Variants in SLC68A1 observed in about 807,000 individuals in gnomAD.
SLC68A1 encodes solute carrier family 68 member 1.
the SLC68A1 span, chr10:102,476,611 GAA>G: frequency 1.2e-5 from 12 of 986,096 alleles, no homozygotes; most frequent in Non-Finnish European, 1.4e-5. Context: ...TCACTGCAGT[GAA>G]AGTCTCTGCT....
At chr10:102,472,751 T>G in the SLC68A1 span, 4 of 856,770 alleles carry the variant, frequency 4.7e-6, no homozygotes, top group Non-Finnish European at 8.1e-6. Context: ...CTTGCTGCTC[T>G]GAGGATGGGG....
At chr10:102,476,357 T>G in the SLC68A1 span, 1 of 349,418 alleles carries the variant, frequency 2.9e-6, no homozygotes, top group Non-Finnish European at 4.1e-6. Flanking sequence ...CGTGAGCCAC[T>G]GTGGCCAACC....
At chr10:102,474,544 C>T in the SLC68A1 span, among the ~76,000 whole-genome samples, 6 of 152,102 alleles carry the variant, frequency 3.9e-5, no homozygotes, top group Non-Finnish European at 2.9e-5. Flanking sequence ...CGCAAAGGCC[C>T]AGGGTGTCAG....
chr10:102,474,000 T>C, the SLC68A1 span: 1 of 1,605,012 alleles, frequency 6.2e-7, no homozygotes, highest in Non-Finnish European at 8.5e-7. Flanking sequence ...CTGGCTGCTC[T>C]GTTTCTACAC....
At chr10:102,473,865 G>T in the SLC68A1 span, 1 of 1,614,016 alleles carries the variant, frequency 6.2e-7, no homozygotes, top group South Asian at 1.1e-5. Context: ...GACCTTGGTG[G>T]TCACTGACCT....
the SLC68A1 span, chr10:102,473,002 AT>A: frequency 7.2e-7 from 1 of 1,390,826 alleles, no homozygotes; most frequent in Non-Finnish European, 1.0e-6. Flanking sequence ...AGAGACCTGT[AT>A]TTTTAGTAGA....
the SLC68A1 span, among the ~76,000 whole-genome samples, chr10:102,465,680 G>A: frequency 6.6e-6 from 1 of 152,132 alleles, no homozygotes; most frequent in Non-Finnish European, 1.5e-5. Context: ...TTTCTCACCA[G>A]CTTATGCAAG....
At chr10:102,476,026 C>G in the SLC68A1 span, 85 of 1,320,230 alleles carry the variant, frequency 6.4e-5, 1 homozygote, top group African/African-American at 1.2e-3. Flanking sequence ...CTGCTGGCAG[C>G]CTGGGGAAGG....
the SLC68A1 span, chr10:102,468,840 G>T: frequency 5.2e-6 from 3 of 579,816 alleles, no homozygotes; most frequent in Non-Finnish European, 9.2e-6. Flanking sequence ...TCCCAGCGCT[G>T]TTGTAAGTAC....
the SLC68A1 span, among the ~76,000 whole-genome samples, chr10:102,466,732 CCTT>C: frequency 5.9e-5 from 9 of 152,262 alleles, no homozygotes; most frequent in African/African-American, 2.2e-4. Context: ...TCAGGGCTCA[CCTT>C]CTCCAGCAAC....
chr10:102,476,078 T>G, the SLC68A1 span: 30 of 1,187,492 alleles, frequency 2.5e-5, no homozygotes, highest in East Asian at 2.9e-4. Flanking sequence ...TTTCATAGTT[T>G]TTTTTTTTTT....
the SLC68A1 span, among the ~76,000 whole-genome samples, chr10:102,466,247 G>A: frequency 6.6e-6 from 1 of 152,180 alleles, no homozygotes; most frequent in Non-Finnish European, 1.5e-5. Context: ...ACTTTGGGAG[G>A]CTGAGGTGGG....
At chr10:102,462,163 G>C in the SLC68A1 span, 2 of 152,440 alleles carry the variant, frequency 1.3e-5, no homozygotes, top group African/African-American at 4.8e-5. Context: ...CCTGGTGCTA[G>C]ACCCTGCTGT....
chr10:102,471,508 C>G, the SLC68A1 span: 22 of 1,471,874 alleles, frequency 1.5e-5, no homozygotes, highest in Middle Eastern at 5.0e-4. Context: ...GCCTGTAGTC[C>G]CAGCACTTTG....
At chr10:102,468,963 A>T in the SLC68A1 span, 1 of 1,430,990 alleles carries the variant, frequency 7.0e-7, no homozygotes, top group South Asian at 1.2e-5. Flanking sequence ...AGGGACGAGG[A>T]TGGGAAGACC....
the SLC68A1 span, chr10:102,475,889 T>C: frequency 1.9e-6 from 3 of 1,613,902 alleles, no homozygotes; most frequent in Non-Finnish European, 2.5e-6. Flanking sequence ...CTTCACCTGG[T>C]CCCAGTTCAC....
chr10:102,474,194 T>C, the SLC68A1 span, among the ~76,000 whole-genome samples: 1 of 152,262 alleles, frequency 6.6e-6, no homozygotes, highest in Non-Finnish European at 1.5e-5. Context: ...ATTCATTTAT[T>C]CATTCATTCA....
the SLC68A1 span, among the ~76,000 whole-genome samples, chr10:102,474,975 G>A: frequency 2.0e-4 from 30 of 151,458 alleles, no homozygotes; most frequent in Middle Eastern, 6.8e-3. Flanking sequence ...GGGAAGTGAC[G>A]TAGTGTGATT....
At chr10:102,476,042 G>GTTT in the SLC68A1 span, 30 of 958,218 alleles carry the variant, frequency 3.1e-5, no homozygotes, top group Admixed American at 1.7e-4. Flanking sequence ...GAAGGAGCCA[G>GTTT]TTTTTTTTGG....
Sources: gnomAD v4.1 joint callset for allele counts (sites outside exome capture counted in the v4.1 genomes callset) on GRCh38, gnomAD v4.1.1 for gene constraint, MANE v1.5 for transcripts, NCBI Gene and HGNC (gene_info 2026-07-23, HGNC 2026-07-21) for gene names.